The following LRP2 variants were observed in gnomAD, a reference collection of about 807,000 sequenced individuals.
The protein encoded by LRP2 is LDL receptor related protein 2, also known as low-density lipoprotein receptor-related protein 2.
In LRP2, 172 loss-of-function variants were observed where a neutral mutation model predicts 531.0. The ratio of observed to expected loss-of-function variants is 0.32; its 90% CI spans 0.29 to 0.37. LRP2 has a LOEUF of 0.37. LRP2 is among the 10% of genes least tolerant of loss of function. The pLI, the probability that LRP2 is intolerant of heterozygous loss-of-function variation, is 1.00. For missense variants in LRP2, 5,167 were observed against 5,868.3 expected (o/e 0.88, Z 3.90); for synonymous variants, 1,992 against 2,027.6 (o/e 0.98, Z 0.47).
chr2:169,225,616 C>T lies in LRP2; in HGVS notation c.5395-163G>A, dbSNP rs151268012. On this transcript the variant is annotated intron_variant, in intron 32 of 78. Transcript: ENST00000649046. ...TCAGCACCACTGGGTAGGCTTCAAACGATTTTTCAGTGTGTCACAGGAATA... is the reference window on the plus strand; with the variant it reads ...TCAGCACCACTGGGTAGGCTTCAAATGATTTTTCAGTGTGTCACAGGAATA... 7.4e-3 allele frequency among the ~76,000 whole-genome samples: 1,134 copies of T among 152,256 alleles called. 9 individuals are homozygous for T. Among genetic ancestry groups the T allele is most frequent in the African/African-American group, 0.026 (1,074 of 41,526 alleles).
Position 169,128,502 on chromosome 2 carries a change from G to A in LRP2, c.*161C>T, listed in dbSNP as rs969598363. On this transcript the variant is annotated 3_prime_UTR_variant, in exon 79 of 79. Transcript: ENST00000649046. ...ATAATTATTTGTAAAAATATGAGACGGCATAAGTAAAAAAAGACACACAGG... is the reference window on the plus strand; with the variant it reads ...ATAATTATTTGTAAAAATATGAGACAGCATAAGTAAAAAAAGACACACAGG... 12 of 646,782 alleles carry A rather than the reference G, an allele frequency of 1.9e-5. No individual in the cohort carries two copies. Among genetic ancestry groups the A allele is most frequent in the East Asian group, 1.1e-4 (4 of 36,074 alleles). The allele number at this position is 646,782 out of a possible 1,614,324, so 40.1% of individuals were successfully genotyped here. A position where few individuals can be genotyped will look rare whatever the true frequency, so the allele number is the denominator to read the frequency against.
At chr2:169,322,582 C>A (rs1684937134) in intron 1 of LRP2, among the ~76,000 whole-genome samples, 1 of 152,194 alleles carries the variant, frequency 6.6e-6, no homozygotes, top group Non-Finnish European at 1.5e-5. Context: ...CAGAACTTCT[C>A]ATTGGATTTT....
intron 12 of LRP2, among the ~76,000 whole-genome samples, chr2:169,278,318 C>A (rs1683611217): frequency 6.6e-6 from 1 of 152,026 alleles, no homozygotes; most frequent in African/African-American, 2.4e-5. Context: ...GACCCCATCT[C>A]TACAAAAATT....
chr2:169,321,063 G>A (rs776758777), intron 1 of LRP2, among the ~76,000 whole-genome samples, 179 bp from the exon 2 acceptor site: 13 of 152,156 alleles, frequency 8.5e-5, no homozygotes, highest in South Asian at 2.1e-4. Context: ...TTGAACATCC[G>A]TGGGAAGAAA....
chr2:169,203,235 C>G (rs1044025120), intron 42 of LRP2, among the ~76,000 whole-genome samples: 4 of 152,232 alleles, frequency 2.6e-5, no homozygotes, highest in Non-Finnish European at 5.9e-5. Flanking sequence ...CATCAAAAGG[C>G]ACATCTTCCC....
chr2:169,183,823 A>T (rs549731936), intron 50 of LRP2, among the ~76,000 whole-genome samples: 12 of 152,360 alleles, frequency 7.9e-5, no homozygotes, highest in Admixed American at 2.0e-4. Flanking sequence ...CCTAATGCTG[A>T]CAGCAGAAAT....
intron 76 of LRP2, among the ~76,000 whole-genome samples, chr2:169,133,812 T>C (rs11691854): frequency 0.69 from 104,625 of 151,998 alleles, 36,363 homozygotes; most frequent in Middle Eastern, 0.75. Flanking sequence ...TCTTTACTAT[T>C]CCTTTGCACC....
intron 26 of LRP2, among the ~76,000 whole-genome samples, chr2:169,239,107 C>T (rs985513979): frequency 6.6e-6 from 1 of 152,140 alleles, no homozygotes; most frequent in Admixed American, 6.5e-5. Context: ...TTAGCTTCCT[C>T]TATTTGGTCA....
In LRP2 at chr2:169,152,813, C is replaced by T; in HGVS notation, c.12447G>A (p.Val4149=). ...KYVMQPDGIA[V]DWVGRHIYWS... Reference sequence around the variant, plus strand: ...GGCAAATTTACCTTCCAACCCAGTCCACTGCTATTCCATCTGGCTGCATTA... The same window carrying T: ...GGCAAATTTACCTTCCAACCCAGTCTACTGCTATTCCATCTGGCTGCATTA... Residue 4149 remains valine, a synonymous_variant, in exon 67 of 79, where the codon GTG becomes GTA. Transcript: ENST00000649046. 9 of 1,614,000 alleles carry T rather than the reference C, an allele frequency of 5.6e-6. No homozygotes were observed. Among genetic ancestry groups the T allele is most frequent in the Non-Finnish European group, 7.6e-6 (9 of 1,179,896 alleles).
intron 33 of LRP2, 61 bp downstream of exon 33, chr2:169,225,249 G>C: frequency 1.3e-6 from 2 of 1,545,540 alleles, no homozygotes; most frequent in Non-Finnish European, 1.8e-6. Flanking sequence ...CTATTCCTGA[G>C]ACTAGAGTTT....
intron 27 of LRP2, 59 bp downstream of exon 27, chr2:169,238,032 G>T: frequency 6.8e-7 from 1 of 1,463,576 alleles, no homozygotes; most frequent in Non-Finnish European, 9.6e-7. Flanking sequence ...GTGAATAACA[G>T]CAAACAGACC....
chr2:169,225,357 T>A lies in LRP2; in HGVS notation c.5491A>T (p.Ile1831Phe). ...GPSMNLALDW[I>F]SRNLYSTNPR... is the part of the protein sequence containing the mutation. ...TTGGTAGAATAAAGGTTTCTTGAAATCCAATCTAAGGCCAGGTTCATAGAA... is the reference window on the plus strand; with the variant it reads ...TTGGTAGAATAAAGGTTTCTTGAAAACCAATCTAAGGCCAGGTTCATAGAA... The change falls in exon 33 of 79, where the codon ATT (isoleucine) becomes TTT (phenylalanine). Residue 1831 changes from isoleucine to phenylalanine, a missense_variant. This residue lies in a region of LRP2 where 2,811 missense variants were observed against 3,058.0 expected (regional missense o/e 0.92). Transcript: ENST00000649046. The A allele has an allele frequency of 6.2e-7, 1 of 1,613,984 alleles. No homozygotes were observed. The highest frequency in any genetic ancestry group is 8.5e-7 in the Non-Finnish European group (1 of 1,179,932).
chr2:169,327,154 C>T (rs1441466384), intron 1 of LRP2, among the ~76,000 whole-genome samples: 59 of 139,304 alleles, frequency 4.2e-4, no homozygotes, highest in South Asian at 1.9e-3. Flanking sequence ...GCCCCCCGCC[C>T]GGCCAGCCGC....
chr2:169,142,854 C>A (rs759316794), intron 70 of LRP2, 61 bp from the exon 71 acceptor site: 74 of 1,603,020 alleles, frequency 4.6e-5, no homozygotes, highest in East Asian at 6.7e-5. Flanking sequence ...GAATACCCAG[C>A]AACTGGAAGT....
chr2:169,207,072 C>G lies in LRP2; in HGVS notation c.6648G>C (p.Glu2216Asp). The G allele has an allele frequency of 1.2e-6, 2 of 1,613,714 alleles. No homozygotes were observed. The highest frequency in any genetic ancestry group is 1.7e-6 in the Non-Finnish European group (2 of 1,179,704). ...WADYGQRPKI[E>D]RSFLDCTNRT... ...GATTGGTACAGTCAAGGAAAGAACG[C>G]TCAATCTTTGGTCTCTGCCCATAGT... Residue 2216 changes from glutamate to aspartate, a missense_variant, in exon 39 of 79, where the codon GAG becomes GAC. Physicochemically the swap from Glu to Asp is conservative, Grantham distance 45. Coordinates refer to ENST00000649046, the MANE Select transcript of LRP2 (RefSeq NM_004525.3).
intron 56 of LRP2, 31 bp from the exon 57 acceptor site, chr2:169,173,255 C>T (rs1310227243): frequency 1.2e-6 from 2 of 1,613,740 alleles, no homozygotes; most frequent in Admixed American, 1.7e-5. Flanking sequence ...AAAGTCAGAA[C>T]TGAAGGTACA....
chr2:169,241,117 G>T lies in LRP2; in HGVS notation c.3916C>A (p.Pro1306Thr). The T allele has an allele frequency of 6.2e-7, 1 of 1,614,026 alleles. No homozygotes were observed. Residue 1306 changes from proline (P) to threonine (T), a missense_variant, in exon 25 of 79, where the codon CCT (proline) becomes ACT (threonine). By Grantham distance (38) the Pro-to-Thr change is conservative. This residue lies in a region of LRP2 where 2,811 missense variants were observed against 3,058.0 expected (regional missense o/e 0.92). Coordinates refer to ENST00000649046, the MANE Select transcript of LRP2 (RefSeq NM_004525.3). ...CGDMSDEKDC[P>T]TQPFRCPSWQ... Reference sequence around the variant, plus strand: ...CTAGGACAGCGAAAGGGCTGAGTAGGGCAGTCCTTCTCATCACTCATATCC... The same window carrying T: ...CTAGGACAGCGAAAGGGCTGAGTAGTGCAGTCCTTCTCATCACTCATATCC...
chr2:169,153,022 CA>C, intron 66 of LRP2, 58 bp from the exon 67 acceptor site: 9 of 1,525,970 alleles, frequency 5.9e-6, no homozygotes, highest in Non-Finnish European at 8.2e-6. Flanking sequence ...AAAGGAAGAA[CA>C]GGGGTCTAAT....
intron 62 of LRP2, among the ~76,000 whole-genome samples, chr2:169,165,372 G>C (rs913505255): frequency 6.6e-6 from 1 of 152,128 alleles, no homozygotes. Flanking sequence ...TCAATGCCTC[G>C]ATTGTTAAAT....
Sources: allele counts gnomAD v4.1 joint callset (sites outside exome capture counted in the v4.1 genomes callset), GRCh38; gene constraint gnomAD v4.1.1; regional missense constraint gnomAD v4.1.1; transcripts MANE v1.5; gene names NCBI Gene and HGNC (gene_info 2026-07-23, HGNC 2026-07-21).